The following FBXO6 variants were observed in gnomAD, a reference collection of about 807,000 sequenced individuals.
FBXO6 encodes the protein F-box protein 6, also known as F-box only protein 6.
FBXO6 carries 13 observed loss-of-function variants against 25.0 expected under a neutral mutation model. The observed-to-expected ratio is 0.52, with a 90% CI of 0.34 to 0.83. The LOEUF is 0.83. Ranked by LOEUF, FBXO6 falls within the 40% of genes least tolerant of loss-of-function variation. The pLI, the probability that FBXO6 is intolerant of heterozygous loss-of-function variation, is 0.02. For synonymous variants in FBXO6, 138 were observed against 155.3 expected (o/e 0.89, Z 0.83); for missense variants, 370 against 380.2 (o/e 0.97, Z 0.22).
rs764664252 is a variant in FBXO6, at chr1:11,673,773, C to T, written c.804C>T (p.Ser268=). The T allele has an allele frequency of 8.1e-6, 13 of 1,614,118 alleles. No individual in the cohort carries two copies. The Admixed American group carries it at 1.2e-4, about 14-fold the overall frequency. ...AGATGACCAGGAACCAGGCCTCCTC[C>T]GAGGCTCAGCCTGGGCAGAAGCATG... is the stretch of plus-strand genomic sequence containing the variant. ...SPKMTRNQAS[S]EAQPGQKHGQ... The change falls in exon 6 of 6, where the codon TCC becomes TCT. Residue 268 remains serine (S), a synonymous_variant. Transcript: ENST00000376753. The surrounding 1 kb of genome is among the most constrained non-coding windows in gnomAD (Gnocchi z 4.3).
Position 11,673,604 on chromosome 1 carries a change from C to A in FBXO6, c.646-11C>A. On this transcript the variant is annotated splice_polypyrimidine_tract_variant and intron_variant, in intron 5 of 5. Transcript: ENST00000376753. This position sits in a 1 kb window ranked among gnomAD's most constrained non-coding sequence, Gnocchi z 4.3. The stretch of plus-strand genomic sequence containing the variant: ...TCCCGGTGGTCACTTCCTCTCCCTT[C>A]CTCCCAACAGGTCTCCTACACCTTC... 6.2e-7 allele frequency: 1 copy of A among 1,609,932 alleles called. No homozygotes were observed. The highest frequency in any genetic ancestry group is 1.7e-5 in the Admixed American group (1 of 59,932).
chr1:11,670,887 C>T (rs1640598779), intron 2 of FBXO6, among the ~76,000 whole-genome samples: 1 of 152,204 alleles, frequency 6.6e-6, no homozygotes, highest in Non-Finnish European at 1.5e-5. Flanking sequence ...TTTCTGGTAA[C>T]ACGCATTCTT....
rs768647285 is a variant in FBXO6, at chr1:11,673,711, C to T, written c.742C>T (p.Pro248Ser). Residue 248 changes from proline (P) to serine (S), a missense_variant, in exon 6 of 6, where the codon CCC becomes TCC. Pro to Ser is a moderately conservative substitution (Grantham distance 74, BLOSUM62 -1). Transcript: ENST00000376753. This position sits in a 1 kb window ranked among gnomAD's most constrained non-coding sequence, Gnocchi z 4.3. ...DTQYWAGWYG[P>S]RVTNSSIVVS... Reference sequence around the variant, plus strand: ...CCAGTACTGGGCAGGCTGGTATGGGCCCCGAGTCACCAACAGCAGCATTGT... The same window carrying T: ...CCAGTACTGGGCAGGCTGGTATGGGTCCCGAGTCACCAACAGCAGCATTGT... 1.2e-6 allele frequency: 2 copies of T among 1,614,112 alleles called. No homozygotes were observed. Among genetic ancestry groups the T allele is most frequent in the Admixed American group, 3.3e-5 (2 of 60,028 alleles).
Position 11,672,077 on chromosome 1 carries a change from G to A in FBXO6, c.509+54G>A, listed in dbSNP as rs976705603. 20 of 1,483,782 alleles carry A rather than the reference G, an allele frequency of 1.3e-5. 1 individual carries two copies. The highest frequency in any genetic ancestry group is 1.7e-4 in the Middle Eastern group (1 of 5,814). The allele number at this position is 1,483,782 out of a possible 1,614,324, so 91.9% of individuals were successfully genotyped here. ...ACACTCTACATGCTCCTCTTACTGC[G>A]CTGCATGTACGTGAGACAACCCATA... is the stretch of plus-strand genomic sequence containing the variant. On this transcript the variant is annotated intron_variant, in intron 4 of 5. Coordinates refer to ENST00000376753, the MANE Select transcript of FBXO6 (RefSeq NM_018438.6).
At chr1:11,667,600 T>C (rs898216877) in intron 1 of FBXO6, among the ~76,000 whole-genome samples, 1 of 76,788 alleles carries the variant, frequency 1.3e-5, no homozygotes, top group Non-Finnish European at 2.6e-5. Flanking sequence ...CTCCATCTGA[T>C]TTTTTTTTTC....
chr1:11,671,338 A>G lies in FBXO6; in HGVS notation c.359A>G (p.His120Arg), dbSNP rs764126819. ...AAGGTGGAGAGCCTCCCTGGAGCCCACGGGACAGATTTTCCTGACCCCAAA... is the reference window on the plus strand; with the variant it reads ...AAGGTGGAGAGCCTCCCTGGAGCCCGCGGGACAGATTTTCCTGACCCCAAA... ...RWKVESLPGA[H>R]GTDFPDPKVK... Residue 120 changes from histidine to arginine, a missense_variant, in exon 3 of 6, where the codon CAC (histidine) becomes CGC (arginine). Transcript: ENST00000376753. The G allele has an allele frequency of 6.2e-7, 1 of 1,614,078 alleles. No individual in the cohort carries two copies. Among genetic ancestry groups the G allele is most frequent in the East Asian group, 2.2e-5 (1 of 44,878 alleles).
chr1:11,672,019 G>A lies in FBXO6; in HGVS notation c.505G>A (p.Asp169Asn), dbSNP rs148402539. The A allele has an allele frequency of 1.2e-6, 2 of 1,613,864 alleles. No individual in the cohort carries two copies. Among genetic ancestry groups the A allele is most frequent in the Non-Finnish European group, 1.7e-6 (2 of 1,179,718 alleles). Reference protein sequence around the residue: ...DTFRPDIVVKDWFAARADCGC... With the variant: ...DTFRPDIVVKNWFAARADCGC... ...ATTCCGGCCGGACATCGTGGTTAAG[G>A]ACTGGTGAGTAGGGTCCATGGCCTG... Residue 169 changes from aspartate (D) to asparagine (N), a missense_variant, in exon 4 of 6, where the codon GAC becomes AAC. Coordinates refer to ENST00000376753, the MANE Select transcript of FBXO6 (RefSeq NM_018438.6).
At chr1:11,670,855 T>C (rs1640598102) in intron 2 of FBXO6, among the ~76,000 whole-genome samples, 1 of 152,078 alleles carries the variant, frequency 6.6e-6, no homozygotes, top group South Asian at 2.1e-4. Flanking sequence ...AACATGGAAG[T>C]GAGGAAGGGG....
intron 4 of FBXO6, 71 bp downstream of exon 4, chr1:11,672,094 C>A: frequency 2.2e-6 from 3 of 1,364,736 alleles, no homozygotes; most frequent in Non-Finnish European, 3.1e-6. Context: ...GTACGTGAGA[C>A]AACCCATAGC....
chr1:11,664,895 G>GA (rs1389243699), intron 1 of FBXO6, among the ~76,000 whole-genome samples: 1 of 152,202 alleles, frequency 6.6e-6, no homozygotes, highest in Non-Finnish European at 1.5e-5. Flanking sequence ...CCGGGGGGGG[G>GA]AAGGGGCGCA....
At position 11,671,778 on chromosome 1, in the gene FBXO6, C is replaced by T. The variant is rs1640621506; in HGVS notation, c.414-150C>T. Reference sequence around the variant, plus strand: ...GCACTGGAGGAAAAGCCAGAGTCAGCCCCAGCCAGTGCCTGTCCCGCAGCG... The same window carrying T: ...GCACTGGAGGAAAAGCCAGAGTCAGTCCCAGCCAGTGCCTGTCCCGCAGCG... On this transcript the variant is annotated intron_variant, in intron 3 of 5. Coordinates refer to ENST00000376753, the MANE Select transcript of FBXO6 (RefSeq NM_018438.6). 7 of 705,668 alleles carry T rather than the reference C, an allele frequency of 9.9e-6. No individual in the cohort carries two copies. The East Asian group carries it at 1.9e-4, about 19-fold the overall frequency. The allele number at this position is 705,668 out of a possible 1,614,324, so 43.7% of individuals were successfully genotyped here.
intron 1 of FBXO6, among the ~76,000 whole-genome samples, chr1:11,668,024 G>A (rs902195031): frequency 6.6e-6 from 1 of 151,396 alleles, no homozygotes; most frequent in Admixed American, 6.6e-5. Context: ...CCCAGGAGGC[G>A]GAGGTTGCAG....
intron 1 of FBXO6, chr1:11,664,619 A>G (rs1343317610): frequency 6.6e-6 from 1 of 152,050 alleles, no homozygotes; most frequent in Non-Finnish European, 1.5e-5. Flanking sequence ...CACCCCGGCC[A>G]CATCCCGAGG....
chr1:11,668,549 A>G (rs1640509574), intron 1 of FBXO6, 107 bp from the exon 2 acceptor site: 2 of 1,398,210 alleles, frequency 1.4e-6, no homozygotes, highest in African/African-American at 2.9e-5. Context: ...GGCATGTGCC[A>G]CCACACCTGG....
At chr1:11,665,224 T>TC (rs1640386793) in intron 1 of FBXO6, among the ~76,000 whole-genome samples, 1 of 117,852 alleles carries the variant, frequency 8.5e-6, no homozygotes, top group Non-Finnish European at 1.7e-5. Context: ...TCTTTTTTTT[T>TC]TTTTTTTTTT....
intron 1 of FBXO6, among the ~76,000 whole-genome samples, chr1:11,664,886 CG>C (rs1013727657): frequency 6.6e-5 from 10 of 150,796 alleles, no homozygotes; most frequent in East Asian, 3.9e-4. Context: ...TGCCCAGGGC[CG>C]GGGGGGGGAA....
chr1:11,664,228 G>C lies in FBXO6; in HGVS notation c.-31G>C, dbSNP rs991193987. The C allele has an allele frequency of 3.9e-5, 6 of 152,292 alleles. No homozygotes were observed. Among genetic ancestry groups the C allele is most frequent in the African/African-American group, 1.4e-4 (6 of 41,438 alleles). The allele number at this position is 152,292 out of a possible 1,614,324, so 9.4% of individuals were successfully genotyped here. A position where few individuals can be genotyped will look rare whatever the true frequency, so the allele number is the denominator to read the frequency against. On this transcript the variant is annotated 5_prime_UTR_variant, in exon 1 of 6. Transcript: ENST00000376753. ...ACAGCTTCAGGACACGCAGGCCGCA[G>C]CGAGGGCCCGGGCCCTGGGGATCCC...
intron 1 of FBXO6, among the ~76,000 whole-genome samples, chr1:11,665,226 T>C (rs1479865017): frequency 2.5e-5 from 3 of 120,012 alleles, no homozygotes; most frequent in African/African-American, 1.1e-4. Context: ...TTTTTTTTTT[T>C]TTTTTTTTTT....
intron 1 of FBXO6, among the ~76,000 whole-genome samples, chr1:11,667,103 C>G (rs148558793): frequency 6.6e-6 from 1 of 150,856 alleles, no homozygotes. Flanking sequence ...GCCGAGATCA[C>G]GCCATTGCAC....
Sources: gnomAD v4.1 joint callset for allele counts (sites outside exome capture counted in the v4.1 genomes callset) on GRCh38, gnomAD v4.1.1 for gene constraint, Gnocchi (gnomAD v3.1) non-coding constraint, MANE v1.5 for transcripts, NCBI Gene and HGNC (gene_info 2026-07-23, HGNC 2026-07-21) for gene names.